The following SRL variants were observed in gnomAD, a reference collection of about 807,000 sequenced individuals.
The protein encoded by SRL is sarcalumenin.
SRL carries 23 observed loss-of-function variants against 39.5 expected under a neutral mutation model. That is an observed-to-expected ratio of 0.58 (90% CI 0.42 to 0.82). The LOEUF (loss-of-function observed/expected upper bound fraction) is 0.82. Ranked by LOEUF, SRL falls within the 40% of genes least tolerant of loss-of-function variation. The pLI, the probability that SRL is intolerant of heterozygous loss-of-function variation, is 0.00. For synonymous variants in SRL, 272 were observed against 237.4 expected, an observed-to-expected ratio of 1.15 and a Z score of -1.34; for missense variants, 592 against 607.8, an observed-to-expected ratio of 0.97 and a Z score of 0.27.
intron 1 of SRL, among the ~76,000 whole-genome samples, chr16:4,232,781 G>A (rs912037070): frequency 1.3e-5 from 2 of 152,192 alleles, no homozygotes; most frequent in African/African-American, 4.8e-5. Flanking sequence ...CAAAGTGCTG[G>A]GATTGCAGGC....
intron 1 of SRL, among the ~76,000 whole-genome samples, chr16:4,216,567 C>T (rs2052462938): frequency 6.6e-6 from 1 of 152,214 alleles, no homozygotes; most frequent in South Asian, 2.1e-4. Flanking sequence ...CCACGATGCC[C>T]AGCCACTATT....
chr16:4,214,846 C>A (rs950988517), intron 1 of SRL, among the ~76,000 whole-genome samples: 4 of 151,766 alleles, frequency 2.6e-5, no homozygotes, highest in Non-Finnish European at 4.4e-5. Context: ...TGGCTCACTG[C>A]AACCTCTGCC....
At position 4,242,059 on chromosome 16, in the gene SRL, C is replaced by A. The variant is rs753382086; in HGVS notation, c.9G>T (p.Ala3=). 6.2e-7 allele frequency: 1 copy of A among 1,611,660 alleles called. No individual in the cohort carries two copies. Among genetic ancestry groups the A allele is most frequent in the Non-Finnish European group, 8.5e-7 (1 of 1,179,434 alleles). MR[A]LVLLGCLLAS... is the part of the protein sequence containing the mutation. The stretch of plus-strand genomic sequence containing the variant: ...CCAGGAGGCAGCCGAGCAGGACCAG[C>A]GCCCTCATGGTGACTGCCAAGAGAG... Residue 3 remains alanine (A), a synonymous_variant, in exon 1 of 6, where the codon GCG becomes GCT. Transcript: ENST00000399609.
intron 1 of SRL, among the ~76,000 whole-genome samples, chr16:4,212,705 C>T (rs1045552724): frequency 6.6e-6 from 1 of 152,132 alleles, no homozygotes. Context: ...CCAACTCTGC[C>T]CAGAGACCAT....
In SRL at chr16:4,196,180, C is replaced by T. The variant is rs897072472; in HGVS notation, c.377-394G>A. 4.0e-5 allele frequency among the ~76,000 whole-genome samples: 6 copies of T among 151,790 alleles called. No homozygotes were observed. The South Asian group carries it at 6.2e-4, about 16-fold the overall frequency. ...TTCACCGTGTTGGCCAGGCTGGTCT[C>T]GAACTTCTGACCTTAATGATCTGCC... On this transcript the variant is annotated intron_variant, in intron 4 of 5. Transcript: ENST00000399609.
At chr16:4,198,612 T>C (rs1397794384) in intron 3 of SRL, among the ~76,000 whole-genome samples, 1 of 151,134 alleles carries the variant, frequency 6.6e-6, no homozygotes, top group African/African-American at 2.5e-5. Flanking sequence ...GCCCAGCAAA[T>C]TTAAAAATTT....
intron 1 of SRL, among the ~76,000 whole-genome samples, chr16:4,228,467 G>A (rs1257373418): frequency 6.6e-6 from 1 of 152,006 alleles, no homozygotes; most frequent in Non-Finnish European, 1.5e-5. Context: ...TGGACGCAGT[G>A]GCTCACACCT....
rs551840938 is a variant in SRL at position 4,210,584 on chromosome 16, G to A, written c.62-5950C>T. On this transcript the variant is annotated intron_variant, in intron 1 of 5. Coordinates refer to ENST00000399609, the MANE Select transcript of SRL (RefSeq NM_001098814.2). ...CGGTTCACTGTAATCTCCACCTCCC[G>A]GGTTCAAGCGATTCTTCTGCCTCAG... 5.7e-5 allele frequency among the ~76,000 whole-genome samples: 8 copies of A among 141,536 alleles called. No individual in the cohort carries two copies. The South Asian group carries it at 6.8e-4, about 12-fold the overall frequency. 92.9% of individuals were successfully genotyped at this position (141,536 alleles called of 152,430 possible). A position where few individuals can be genotyped will look rare whatever the true frequency, so the allele number is the denominator to read the frequency against.
chr16:4,192,947 C>T lies in SRL; in HGVS notation c.628G>A (p.Val210Met), dbSNP rs190311307. Residue 210 changes from valine to methionine, a missense_variant, in exon 6 of 6, where the codon GTG becomes ATG. Physicochemically the swap from Val to Met is conservative, Grantham distance 21 (BLOSUM62 1). Transcript: ENST00000399609. The surrounding 1 kb of genome is among the most constrained non-coding windows in gnomAD (Gnocchi z 4.0). The stretch of plus-strand genomic sequence containing the variant: ...GCTCTGTCGATGAACCACTGGCACA[C>T]GTCGTTGAAGGGGTAGCCTTTGGGA... ...QQERGYPFNDVCQWFIDRADL... is the reference protein window; with the variant it reads ...QQERGYPFNDMCQWFIDRADL... 7.4e-6 allele frequency: 12 copies of T among 1,611,090 alleles called. No homozygotes were observed. The highest frequency in any genetic ancestry group is 1.1e-5 in the South Asian group (1 of 91,042).
chr16:4,225,082 G>A (rs556301211), intron 1 of SRL, among the ~76,000 whole-genome samples: 1 of 152,320 alleles, frequency 6.6e-6, no homozygotes, highest in South Asian at 2.1e-4. Flanking sequence ...GTTGCTGGGG[G>A]AGCAGGGAGG....
chr16:4,232,033 TG>T (rs1168718594), intron 1 of SRL, among the ~76,000 whole-genome samples: 7 of 152,198 alleles, frequency 4.6e-5, no homozygotes, highest in Admixed American at 6.5e-5. Context: ...AACCAGCATT[TG>T]CTCTGCCCCC....
At chr16:4,213,313 A>G (rs529078670) in intron 1 of SRL, among the ~76,000 whole-genome samples, 2 of 149,370 alleles carry the variant, frequency 1.3e-5, no homozygotes, top group African/African-American at 2.5e-5. Context: ...CCTTCAAAAT[A>G]TTAGTATCTG....
intron 4 of SRL, 112 bp from the exon 5 acceptor site, chr16:4,195,898 A>G (rs1350717405): frequency 2.3e-6 from 2 of 853,206 alleles, no homozygotes; most frequent in Non-Finnish European, 3.6e-6. Context: ...ACAGAATTGG[A>G]TATGTTTGCC....
At chr16:4,241,886 C>G (rs1216155894) in intron 1 of SRL, 121 bp downstream of exon 1, 1 of 1,042,964 alleles carries the variant, frequency 9.6e-7, no homozygotes, top group East Asian at 2.5e-5. Context: ...TAAGAAGACA[C>G]CAGCCAAGAG....
intron 1 of SRL, among the ~76,000 whole-genome samples, chr16:4,209,590 T>A (rs1183239284): frequency 1.3e-5 from 2 of 152,216 alleles, no homozygotes; most frequent in Non-Finnish European, 2.9e-5. Context: ...GTACCCACCC[T>A]TGTTCCCCAA....
chr16:4,210,053 T>A (rs2052373678), intron 1 of SRL, among the ~76,000 whole-genome samples: 1 of 152,234 alleles, frequency 6.6e-6, no homozygotes, highest in Non-Finnish European at 1.5e-5. Flanking sequence ...AATTTAATTC[T>A]GTGTTCCCAG....
chr16:4,195,587 T>C lies in SRL; in HGVS notation c.576A>G (p.Pro192=). The part of the protein sequence containing the change: ...LLERVTFVDT[P]GIIENRKQQE... Reference sequence around the variant, plus strand: ...GCTGCTTGCGGTTCTCGATGATGCCTGGTGTATCCACAAAAGTGACCCTCT... The same window carrying C: ...GCTGCTTGCGGTTCTCGATGATGCCCGGTGTATCCACAAAAGTGACCCTCT... The change falls in exon 5 of 6, where the codon CCA becomes CCG. Residue 192 remains proline, a synonymous_variant. Transcript: ENST00000399609. The C allele has an allele frequency of 1.2e-6, 2 of 1,614,208 alleles. No homozygotes were observed. Among genetic ancestry groups the C allele is most frequent in the Non-Finnish European group, 1.7e-6 (2 of 1,180,042 alleles).
chr16:4,203,486 C>G (rs1409765449), intron 2 of SRL, among the ~76,000 whole-genome samples: 2 of 152,200 alleles, frequency 1.3e-5, no homozygotes, highest in African/African-American at 2.4e-5. Context: ...TACCCACCCC[C>G]AAAGCTTCCT....
rs191786037 is a variant in SRL, at chr16:4,221,862, C to G, written c.62-17228G>C. Among the ~76,000 whole-genome samples the G allele has an allele frequency of 3.1e-3, 469 of 152,228 alleles. 1 individual carries two copies. Among genetic ancestry groups the G allele is most frequent in the African/African-American group, 0.011 (450 of 41,552 alleles). ...ACTCTTGGCTTGTGGCTGCGTCACT[C>G]CAGTCTCTGCCTCCACTGACACAAG... On this transcript the variant is annotated intron_variant, in intron 1 of 5. Coordinates refer to ENST00000399609, the MANE Select transcript of SRL (RefSeq NM_001098814.2).
Sources: gnomAD v4.1 joint callset for allele counts (sites outside exome capture counted in the v4.1 genomes callset) on GRCh38, gnomAD v4.1.1 for gene constraint, Gnocchi (gnomAD v3.1) non-coding constraint, MANE v1.5 for transcripts, NCBI Gene and HGNC (gene_info 2026-07-23, HGNC 2026-07-21) for gene names.